The following PTCHD4 variants were observed in gnomAD, a reference collection of about 807,000 sequenced individuals.
PTCHD4 encodes the protein patched domain containing 4, also known as patched domain-containing protein 4.
PTCHD4 carries 33 observed loss-of-function variants against 58.1 expected under a neutral mutation model. The ratio of observed to expected loss-of-function variants is 0.57; its 90% CI spans 0.43 to 0.76. The LOEUF (loss-of-function observed/expected upper bound fraction) is 0.76. PTCHD4 is among the 30% of genes least tolerant of loss of function. The probability of loss-of-function intolerance (pLI) is 0.00; values close to 1 mark genes in which losing one functional copy is unlikely to be tolerated. For synonymous variants in PTCHD4, 478 were observed against 409.6 expected, an observed-to-expected ratio of 1.17 and a Z score of -2.02; for missense variants, 1,058 against 1,027.1, an observed-to-expected ratio of 1.03 and a Z score of -0.41.
intron 4 of PTCHD4, among the ~76,000 whole-genome samples, chr6:47,913,343 C>T (rs1765127710): frequency 1.3e-5 from 2 of 152,064 alleles, no homozygotes; most frequent in South Asian, 2.1e-4. Flanking sequence ...ATATTTATTT[C>T]CTCTAATGAG....
At position 47,966,786 on chromosome 6, in the gene PTCHD4, T is replaced by A. The variant is rs1247541673; in HGVS notation, c.898+41848A>T. 2.6e-5 allele frequency among the ~76,000 whole-genome samples: 4 copies of A among 152,220 alleles called. No homozygotes were observed. In the South Asian group the frequency reaches 8.3e-4, roughly 32 times the overall value. On this transcript the variant is annotated intron_variant, in intron 4 of 4. Transcript: ENST00000339488. ...CAACTCCTCATCTGTTGAATATTTA[T>A]CATGAGGTTGCAGCAATTCAGTCCC...
At chr6:48,018,445 C>T (rs1225539475) in intron 3 of PTCHD4, among the ~76,000 whole-genome samples, 1 of 152,132 alleles carries the variant, frequency 6.6e-6, no homozygotes, top group Non-Finnish European at 1.5e-5. Context: ...CACAAAATGA[C>T]CAGTGTTCAT....
chr6:47,858,700 A>G lies in PTCHD4; in HGVS notation c.*19603T>C, dbSNP rs1448436654. Among the ~76,000 whole-genome samples, 1 of 152,208 alleles carries G rather than the reference A, an allele frequency of 6.6e-6. No homozygotes were observed. The highest frequency in any genetic ancestry group is 2.4e-5 in the African/African-American group (1 of 41,580). On this transcript the variant is annotated 3_prime_UTR_variant, in exon 5 of 5. Transcript: ENST00000339488. ...CTACACTGCACTAGCCATCTGAGTCAGAATTTCTGTGGGTGGAATAAATAA... is the reference window on the plus strand; with the variant it reads ...CTACACTGCACTAGCCATCTGAGTCGGAATTTCTGTGGGTGGAATAAATAA...
chr6:48,088,656 G>A (rs1168736075), intron 1 of PTCHD4, among the ~76,000 whole-genome samples: 12 of 152,158 alleles, frequency 7.9e-5, no homozygotes, highest in Admixed American at 7.9e-4. Flanking sequence ...AAACGCTGTG[G>A]TTTTAGTGCA....
At chr6:47,965,067 G>T (rs1236431428) in intron 4 of PTCHD4, among the ~76,000 whole-genome samples, 2 of 152,030 alleles carry the variant, frequency 1.3e-5, no homozygotes, top group Non-Finnish European at 2.9e-5. Flanking sequence ...CCTTTATTCA[G>T]GTTTCTCATG....
Position 47,863,162 on chromosome 6 carries a change from C to T in PTCHD4, c.*15141G>A, listed in dbSNP as rs967791094. Among the ~76,000 whole-genome samples, 12 of 151,852 alleles carry T rather than the reference C, an allele frequency of 7.9e-5. No individual in the cohort carries two copies. The highest frequency in any genetic ancestry group is 6.6e-4 in the Admixed American group (10 of 15,208). On this transcript the variant is annotated 3_prime_UTR_variant, in exon 5 of 5. Transcript: ENST00000339488. ...TGTATCTGAGACTTATGTGGTCCCA[C>T]ATGCAGGGGCAGATCAAAATTTTGT...
chr6:47,924,178 G>A (rs1052691636), intron 4 of PTCHD4, among the ~76,000 whole-genome samples: 20 of 152,030 alleles, frequency 1.3e-4, no homozygotes, highest in African/African-American at 4.6e-4. Flanking sequence ...ATCCCGAGCT[G>A]CTGTCTCTCC....
chr6:48,067,007 T>C (rs1374949648), intron 3 of PTCHD4, among the ~76,000 whole-genome samples: 1 of 152,166 alleles, frequency 6.6e-6, no homozygotes, highest in Non-Finnish European at 1.5e-5. Context: ...GTCCTTTCTA[T>C]TCCACTATCT....
At position 47,857,259 on chromosome 6, in the gene PTCHD4, A is replaced by C. The variant is rs1763328181; in HGVS notation, c.*21044T>G. 6.6e-6 allele frequency among the ~76,000 whole-genome samples: 1 copy of C among 152,054 alleles called. No homozygotes were observed. The highest frequency in any genetic ancestry group is 6.6e-5 in the Admixed American group (1 of 15,240). ...ATGGGAAATGGTGTTGGATCAGCAG[A>C]AAACTGGAAATCTTATTTGTTTCCC... On this transcript the variant is annotated 3_prime_UTR_variant, in exon 5 of 5. Coordinates refer to ENST00000339488, the MANE Select transcript of PTCHD4 (RefSeq NM_001384253.1).
intron 1 of PTCHD4, among the ~76,000 whole-genome samples, chr6:48,071,684 T>G (rs1764978151): frequency 6.6e-6 from 1 of 152,210 alleles, no homozygotes; most frequent in Non-Finnish European, 1.5e-5. Context: ...TATTATGAGT[T>G]CATACTTTAT....
intron 1 of PTCHD4, among the ~76,000 whole-genome samples, chr6:48,103,745 G>A (rs899030879): frequency 2.0e-5 from 3 of 152,140 alleles, no homozygotes; most frequent in African/African-American, 7.2e-5. Flanking sequence ...GCAATGCAGA[G>A]AAGTACTTAA....
intron 4 of PTCHD4, among the ~76,000 whole-genome samples, chr6:47,935,076 G>A (rs1317592608): frequency 6.6e-6 from 1 of 152,090 alleles, no homozygotes; most frequent in Non-Finnish European, 1.5e-5. Flanking sequence ...TTAATTTCCA[G>A]TAAGTTGGGT....
Position 48,008,869 on chromosome 6 carries a change from C to T in PTCHD4, c.663G>A (p.Arg221=), listed in dbSNP as rs1762565600. The change falls in exon 4 of 5, where the codon AGG becomes AGA. Residue 221 remains arginine (R), a synonymous_variant. Coordinates refer to ENST00000339488, the MANE Select transcript of PTCHD4 (RefSeq NM_001384253.1). ...LYSLASFSLW[R]DFHKTSILAR... ...CCAGGATGCTGGTCTTATGAAAGTC[C>T]CTCCAGAGGCTAAAGGATGCTAAAG... 5.0e-6 allele frequency: 8 copies of T among 1,613,988 alleles called. No homozygotes were observed. Among genetic ancestry groups the T allele is most frequent in the Non-Finnish European group, 6.8e-6 (8 of 1,179,896 alleles).
chr6:48,037,355 C>T (rs914472867), intron 3 of PTCHD4, among the ~76,000 whole-genome samples: 8 of 152,122 alleles, frequency 5.3e-5, no homozygotes, highest in Admixed American at 3.3e-4. Flanking sequence ...TACTGTCTGA[C>T]GTTTCATGCA....
At chr6:48,089,242 G>C (rs1365040525) in intron 1 of PTCHD4, among the ~76,000 whole-genome samples, 1 of 152,152 alleles carries the variant, frequency 6.6e-6, no homozygotes, top group Non-Finnish European at 1.5e-5. Context: ...TTCTAAAGCA[G>C]ACATGGTTTT....
At chr6:48,078,832 A>G (rs561110113) in intron 1 of PTCHD4, among the ~76,000 whole-genome samples, 1 of 152,214 alleles carries the variant, frequency 6.6e-6, no homozygotes, top group Admixed American at 6.5e-5. Context: ...GAAATTGCAT[A>G]TTTTGGCCGG....
At chr6:47,906,930 C>G (rs1411155861) in intron 4 of PTCHD4, among the ~76,000 whole-genome samples, 2 of 152,168 alleles carry the variant, frequency 1.3e-5, no homozygotes, top group Admixed American at 1.3e-4. Context: ...CATGCAGAAA[C>G]TTAATCATAA....
chr6:47,932,751 C>T (rs1053639057), intron 4 of PTCHD4, among the ~76,000 whole-genome samples: 2 of 152,224 alleles, frequency 1.3e-5, no homozygotes, highest in African/African-American at 4.8e-5. Context: ...GTCAGGAGCA[C>T]GGGCTGCAGA....
In PTCHD4 at chr6:48,000,052, A is replaced by G. The variant is rs951841763; in HGVS notation, c.898+8582T>C. Reference sequence around the variant, plus strand: ...CTTCTGAGGTAAGGCTGTTACAAATAGGTATGAATTCTCTATTTTCTCTTT... The same window carrying G: ...CTTCTGAGGTAAGGCTGTTACAAATGGGTATGAATTCTCTATTTTCTCTTT... On this transcript the variant is annotated intron_variant, in intron 4 of 4. Transcript: ENST00000339488. Among the ~76,000 whole-genome samples the G allele has an allele frequency of 3.9e-5, 6 of 152,286 alleles. No homozygotes were observed. The East Asian group carries it at 1.2e-3, about 29-fold the overall frequency.
Sources: gnomAD v4.1 joint callset for allele counts (sites outside exome capture counted in the v4.1 genomes callset) on GRCh38, gnomAD v4.1.1 for gene constraint, MANE v1.5 for transcripts, NCBI Gene and HGNC (gene_info 2026-07-23, HGNC 2026-07-21) for gene names.